CARD14: variants seen among roughly 807,000 people sequenced by gnomAD.
CARD14 encodes the protein caspase recruitment domain family member 14, also known as caspase recruitment domain-containing protein 14.
CARD14 carries 107 observed loss-of-function variants against 111.5 expected under a neutral mutation model. The observed-to-expected ratio is 0.96, with a 90% CI of 0.82 to 1.13. The LOEUF (loss-of-function observed/expected upper bound fraction) is 1.13, where lower values mean the gene tolerates loss of function less well. CARD14 is among the 50% of genes most tolerant of loss of function. The pLI, the probability that CARD14 is intolerant of heterozygous loss-of-function variation, is 0.00. For synonymous variants in CARD14, 617 were observed against 579.6 expected, an observed-to-expected ratio of 1.06 and a Z score of -0.93; for missense variants, 1,322 against 1,362.3, an observed-to-expected ratio of 0.97 and a Z score of 0.47.
At chr17:80,208,043 A>T in intron 23 of CARD14, 95 bp from the exon 24 acceptor site, 1 of 916,286 alleles carries the variant, frequency 1.1e-6, no homozygotes, top group Non-Finnish European at 1.6e-6. Flanking sequence ...ACCTGTGTTT[A>T]GGGGTGTTTG....
intron 7 of CARD14, among the ~76,000 whole-genome samples, chr17:80,185,806 G>A (rs1246111717): frequency 1.3e-5 from 2 of 152,100 alleles, no homozygotes; most frequent in South Asian, 4.1e-4. Flanking sequence ...GATGATAGAC[G>A]ACCTCTCATT....
chr17:80,181,198 TG>T, intron 4 of CARD14, among the ~76,000 whole-genome samples: 1 of 151,840 alleles, frequency 6.6e-6, no homozygotes, highest in Non-Finnish European at 1.5e-5. Flanking sequence ...GTAGAGCAGG[TG>T]GGGCCGTGGC....
intron 18 of CARD14, chr17:80,202,779 C>G (rs9914372): frequency 0.51 from 152,368 of 299,502 alleles, 39,712 homozygotes; most frequent in Non-Finnish European, 0.54. Context: ...GATGCCGGGA[C>G]TACTCCCATG....
rs1422669760 is a variant in CARD14, at chr17:80,199,991, G to A, written c.1851+1400G>A. Among the ~76,000 whole-genome samples, 4 of 152,192 alleles carry A rather than the reference G, an allele frequency of 2.6e-5. No homozygotes were observed. The East Asian group carries it at 5.8e-4, about 22-fold the overall frequency. ...ACCTCATTCCAGAGGCTCACCCTGC[G>A]GCCTCCAGGAGGGGACTGGGGATGG... is the stretch of plus-strand genomic sequence containing the variant. On this transcript the variant is annotated intron_variant, in intron 16 of 23. Coordinates refer to ENST00000648509, the MANE Select transcript of CARD14 (RefSeq NM_001366385.1).
Position 80,182,579 on chromosome 17 carries a change from T to G in CARD14, c.212-74T>G. 6.4e-7 allele frequency: 1 copy of G among 1,566,314 alleles called. No homozygotes were observed. Among genetic ancestry groups the G allele is most frequent in the Non-Finnish European group, 8.7e-7 (1 of 1,148,172 alleles). On this transcript the variant is annotated intron_variant, in intron 5 of 23. Transcript: ENST00000648509. The surrounding 1 kb of genome is among the most constrained non-coding windows in gnomAD (Gnocchi z 4.7). ...TTCCCAGCCCCAGGCCTCTCCCCCG[T>G]GGGGAAGCCAGCCAGGGAGCCCAGC... is the stretch of plus-strand genomic sequence containing the variant.
rs1344487960 is a variant in CARD14, at chr17:80,182,096, A to G, written c.211+447A>G. 2.0e-5 allele frequency among the ~76,000 whole-genome samples: 3 copies of G among 152,370 alleles called. 1 individual carries two copies. The East Asian group carries it at 5.8e-4, about 29-fold the overall frequency. On this transcript the variant is annotated intron_variant, in intron 5 of 23. Transcript: ENST00000648509. This position sits in a 1 kb window ranked among gnomAD's most constrained non-coding sequence, Gnocchi z 4.7. ...GCAGTAGGTGGTAGCTGTCAACATG[A>G]TAATGTTCATGCATGTTGGCGTACG...
chr17:80,193,908 C>T (rs1016464010), intron 12 of CARD14, among the ~76,000 whole-genome samples: 3 of 152,150 alleles, frequency 2.0e-5, no homozygotes, highest in African/African-American at 7.2e-5. Flanking sequence ...GTTTCCCTTC[C>T]CCAGGGGTGG....
At chr17:80,207,654 GC>G (rs2041408536) in intron 23 of CARD14, 1 of 159,050 alleles carries the variant, frequency 6.3e-6, no homozygotes, top group African/African-American at 2.4e-5. Flanking sequence ...GGATGACGGT[GC>G]CTTTTACAGT....
intron 22 of CARD14, chr17:80,205,876 C>T: frequency 6.4e-6 from 3 of 469,690 alleles, no homozygotes; most frequent in Non-Finnish European, 1.1e-5. Context: ...TCTCAGTTTC[C>T]TCAGCTTGGG....
intron 2 of CARD14, among the ~76,000 whole-genome samples, chr17:80,174,459 C>T (rs949951910): frequency 6.6e-6 from 1 of 152,146 alleles, no homozygotes; most frequent in Non-Finnish European, 1.5e-5. Flanking sequence ...GCGACCTGCC[C>T]GTCTCTGCCT....
intron 14 of CARD14, chr17:80,196,839 G>C (rs532951675): frequency 6.6e-6 from 1 of 152,488 alleles, no homozygotes; most frequent in East Asian, 1.9e-4. Context: ...CAGTGATTGC[G>C]GCCACACAGA....
At chr17:80,193,965 C>T (rs1204919543) in intron 12 of CARD14, among the ~76,000 whole-genome samples, 2 of 152,126 alleles carry the variant, frequency 1.3e-5, no homozygotes, top group African/African-American at 2.4e-5. Flanking sequence ...AACTGGCTCG[C>T]CAGAACACAC....
In CARD14 at chr17:80,195,171, T is replaced by G. The variant is rs1318956141; in HGVS notation, c.1357-20T>G. 6.3e-7 allele frequency: 1 copy of G among 1,587,700 alleles called. No homozygotes were observed. The highest frequency in any genetic ancestry group is 1.7e-5 in the Admixed American group (1 of 59,018). The stretch of plus-strand genomic sequence containing the variant: ...GTGTCCTCGTGCGTGCCCCACTGAC[T>G]TCTGCCCTCCCTCCTCCAGTCTCAG... On this transcript the variant is annotated intron_variant, in intron 12 of 23. Transcript: ENST00000648509. This position sits in a 1 kb window ranked among gnomAD's most constrained non-coding sequence, Gnocchi z 4.7.
rs528692199 is a variant in CARD14 at position 80,182,547 on chromosome 17, G to A, written c.212-106G>A. On this transcript the variant is annotated intron_variant, in intron 5 of 23. Coordinates refer to ENST00000648509, the MANE Select transcript of CARD14 (RefSeq NM_001366385.1). This position sits in a 1 kb window ranked among gnomAD's most constrained non-coding sequence, Gnocchi z 4.7. Reference sequence around the variant, plus strand: ...TTCACCTCCCGATTCTTACATGTGCGGGGGGTTTCCCAGCCCCAGGCCTCT... The same window carrying A: ...TTCACCTCCCGATTCTTACATGTGCAGGGGGTTTCCCAGCCCCAGGCCTCT... 3.7e-5 allele frequency: 49 copies of A among 1,340,764 alleles called. No individual in the cohort carries two copies. Among genetic ancestry groups the A allele is most frequent in the South Asian group, 2.6e-4 (20 of 76,156 alleles). The allele number at this position is 1,340,764 out of a possible 1,614,324, so 83.1% of individuals were successfully genotyped here.
intron 7 of CARD14, among the ~76,000 whole-genome samples, chr17:80,184,834 G>T (rs1035199664): frequency 6.2e-5 from 9 of 145,282 alleles, no homozygotes. Context: ...ACTCAGGCGG[G>T]ATAGTTGGTC....
rs2041052128 is a variant in CARD14, at chr17:80,202,719, G to A, written c.2219+299G>A. ...CTGGATCCCCGTCTGTGGTGGGGCC[G>A]TCCTGGGCACTGCAGGATATAGAGC... On this transcript the variant is annotated intron_variant, in intron 18 of 23. Coordinates refer to ENST00000648509, the MANE Select transcript of CARD14 (RefSeq NM_001366385.1). The A allele has an allele frequency of 5.0e-6, 4 of 799,410 alleles. No homozygotes were observed. In the Admixed American group the frequency reaches 1.1e-4, roughly 21 times the overall value. The allele number at this position is 799,410 out of a possible 1,614,324, so 49.5% of individuals were successfully genotyped here.
chr17:80,198,411 GC>G lies in CARD14; in HGVS notation c.1672del (p.Arg558GlyfsTer9). On this transcript the variant is annotated frameshift_variant, in exon 16 of 24. Coordinates refer to ENST00000648509, the MANE Select transcript of CARD14 (RefSeq NM_001366385.1). LOFTEE classifies it high-confidence loss of function. The surrounding 1 kb of genome is among the most constrained non-coding windows in gnomAD (Gnocchi z 7.5). The part of the protein sequence containing the change: ...LDVSESGVLM[R>X]RRPARRILSQ... ...TCCCGGCCTGCAGCGGCGTCCTCAT[GC>G]GGCGGAGGCCAGCCCGCAGGATCCT... is the stretch of plus-strand genomic sequence containing the variant. 1.2e-6 allele frequency: 2 copies of G among 1,602,594 alleles called. No individual in the cohort carries two copies. Among genetic ancestry groups the G allele is most frequent in the Non-Finnish European group, 1.7e-6 (2 of 1,172,358 alleles).
chr17:80,193,826 A>G (rs959429708), intron 12 of CARD14, among the ~76,000 whole-genome samples: 2 of 152,056 alleles, frequency 1.3e-5, no homozygotes, highest in African/African-American at 4.8e-5. Flanking sequence ...CCAAACCTTC[A>G]ACTGAATCGA....
Position 80,201,466 on chromosome 17 carries a change from A to G in CARD14, c.1852-278A>G, listed in dbSNP as rs1357266267. 4.6e-6 allele frequency: 2 copies of G among 430,878 alleles called. No individual in the cohort carries two copies. Among genetic ancestry groups the G allele is most frequent in the Admixed American group, 8.4e-5 (2 of 23,864 alleles). The allele number at this position is 430,878 out of a possible 1,614,324, so 26.7% of individuals were successfully genotyped here. On this transcript the variant is annotated intron_variant, in intron 16 of 23. Transcript: ENST00000648509. This position sits in a 1 kb window ranked among gnomAD's most constrained non-coding sequence, Gnocchi z 5.0. ...TTTCTTTTCTTTTCTTTTCTTTTTC[A>G]AGACAGGAAAGTGCTTATCACAAAG...
Sources: allele counts gnomAD v4.1 joint callset (sites outside exome capture counted in the v4.1 genomes callset), GRCh38; gene constraint gnomAD v4.1.1; non-coding constraint Gnocchi (gnomAD v3.1); transcripts MANE v1.5; gene names NCBI Gene and HGNC (gene_info 2026-07-23, HGNC 2026-07-21).